Variants in CPNE2 observed in about 807,000 individuals in gnomAD.
CPNE2 encodes the protein copine 2.
In CPNE2, 42 loss-of-function variants were observed where a neutral mutation model predicts 69.7. The observed-to-expected ratio is 0.60, with a 90% CI of 0.47 to 0.78. CPNE2 has a LOEUF of 0.78. Ranked by LOEUF, CPNE2 falls within the 30% of genes least tolerant of loss-of-function variation. The pLI, the probability that CPNE2 is intolerant of heterozygous loss-of-function variation, is 0.00. For missense variants in CPNE2, 587 were observed against 732.0 expected (o/e 0.80, Z 2.29); for synonymous variants, 294 against 289.8 (o/e 1.01, Z -0.15).
At chr16:57,095,717 G>A (rs914039771) in intron 1 of CPNE2, among the ~76,000 whole-genome samples, 1 of 152,100 alleles carries the variant, frequency 6.6e-6, no homozygotes, top group Non-Finnish European at 1.5e-5. Flanking sequence ...CACCCACCTC[G>A]GTCTCCCAAA....
At chr16:57,145,163 A>G (rs2069948291) in intron 14 of CPNE2, among the ~76,000 whole-genome samples, 1 of 152,250 alleles carries the variant, frequency 6.6e-6, no homozygotes. Context: ...TGCCATAAAT[A>G]GAGAGTAACA....
In CPNE2 at chr16:57,110,826, G is replaced by A. The variant is rs150446442; in HGVS notation, c.84G>A (p.Leu28=). The change falls in exon 2 of 16, where the codon CTG becomes CTA. Residue 28 remains leucine (L), a synonymous_variant. Coordinates refer to ENST00000290776, the MANE Select transcript of CPNE2 (RefSeq NM_152727.6). Reference sequence around the variant, plus strand: ...AGTATTGCGTGTGCAAGGTGGAGCTGTCAGTGAGTGGCCAGAACCTACTGG... The same window carrying A: ...AGTATTGCGTGTGCAAGGTGGAGCTATCAGTGAGTGGCCAGAACCTACTGG... ...GPQYCVCKVE[L]SVSGQNLLDR... 2 of 1,614,030 alleles carry A rather than the reference G, an allele frequency of 1.2e-6. No individual in the cohort carries two copies. The highest frequency in any genetic ancestry group is 1.7e-5 in the Admixed American group (1 of 60,020).
At chr16:57,124,651 T>C (rs1274499992) in intron 10 of CPNE2, 4 of 289,106 alleles carry the variant, frequency 1.4e-5, no homozygotes, top group Non-Finnish European at 1.4e-5. Context: ...CTGGCTTTGC[T>C]TCCTCACCCC....
At chr16:57,107,515 C>G (rs2069655419) in intron 1 of CPNE2, among the ~76,000 whole-genome samples, 1 of 152,148 alleles carries the variant, frequency 6.6e-6, no homozygotes, top group South Asian at 2.1e-4. Flanking sequence ...GGCTGGCGCT[C>G]CAGAGTGCAC....
intron 10 of CPNE2, chr16:57,124,063 CTTTCT>C (rs377529014): frequency 0.014 from 2,462 of 177,496 alleles, 31 homozygotes; most frequent in Non-Finnish European, 0.017. Flanking sequence ...TTCCTATTTT[CTTTCT>C]TTTCTTTTCT....
At chr16:57,142,606 C>G (rs1436028178) in intron 14 of CPNE2, 1 of 152,268 alleles carries the variant, frequency 6.6e-6, no homozygotes, top group Non-Finnish European at 1.5e-5. Flanking sequence ...CTATCTCAGG[C>G]CTTCATCTTT....
chr16:57,113,088 C>T (rs1597493918), intron 2 of CPNE2, 200 bp from the exon 3 acceptor site: 1 of 551,138 alleles, frequency 1.8e-6, no homozygotes, highest in East Asian at 3.2e-5. Flanking sequence ...ACAAGCTGTC[C>T]AGCCCTGGGG....
chr16:57,115,002 G>C (rs149347656), intron 3 of CPNE2, among the ~76,000 whole-genome samples: 2 of 144,944 alleles, frequency 1.4e-5, no homozygotes, highest in African/African-American at 5.2e-5. Flanking sequence ...AGCTACCCAG[G>C]AGGCTGAGGT....
chr16:57,113,513 C>T (rs773399922), intron 3 of CPNE2, 46 bp downstream of exon 3: 1 of 1,575,410 alleles, frequency 6.3e-7, no homozygotes, highest in Non-Finnish European at 8.6e-7. Flanking sequence ...AAAGACCGGG[C>T]AACCCCTCAA....
intron 7 of CPNE2, among the ~76,000 whole-genome samples, chr16:57,120,718 A>G (rs1481073060): frequency 1.3e-5 from 2 of 152,174 alleles, no homozygotes; most frequent in African/African-American, 4.8e-5. Flanking sequence ...ATAGCAGCTC[A>G]GACAGCATAT....
rs778364337 is a variant in CPNE2, at chr16:57,134,795, C to T, written c.1137C>T (p.Ile379=). ...TTCAGGTCTCCCATGAGTTTGCCAT[C>T]AACTTCAACCCCACCAACCCCTTCT... ...PDWKVSHEFA[I]NFNPTNPFCS... Residue 379 remains isoleucine (I), a synonymous_variant, in exon 13 of 16, where the codon ATC becomes ATT. Coordinates refer to ENST00000290776, the MANE Select transcript of CPNE2 (RefSeq NM_152727.6). The T allele has an allele frequency of 6.2e-7, 1 of 1,614,000 alleles. No homozygotes were observed. The highest frequency in any genetic ancestry group is 2.2e-5 in the East Asian group (1 of 44,872).
intron 12 of CPNE2, among the ~76,000 whole-genome samples, chr16:57,132,082 C>T (rs953409555): frequency 1.3e-5 from 2 of 152,144 alleles, no homozygotes; most frequent in Admixed American, 1.3e-4. Flanking sequence ...AATTTGGGAC[C>T]CAGCCCAAAT....
intron 15 of CPNE2, 33 bp from the exon 16 acceptor site, chr16:57,147,518 C>G (rs763885211): frequency 2.2e-5 from 32 of 1,464,130 alleles, no homozygotes; most frequent in East Asian, 4.7e-5. Flanking sequence ...CTTATTCTCT[C>G]TCTTCCCCAC....
intron 1 of CPNE2, among the ~76,000 whole-genome samples, chr16:57,097,189 T>C (rs2069583135): frequency 6.6e-6 from 1 of 152,114 alleles, no homozygotes; most frequent in Non-Finnish European, 1.5e-5. Context: ...CACAATCACT[T>C]CACCCTGCTT....
intron 7 of CPNE2, 42 bp downstream of exon 7, chr16:57,119,692 C>T: frequency 7.1e-7 from 1 of 1,405,296 alleles, no homozygotes; most frequent in African/African-American, 1.4e-5. Context: ...CTTGCCAGCT[C>T]CAGCCTCCCA....
intron 14 of CPNE2, chr16:57,140,975 C>T (rs1475735133): frequency 6.7e-6 from 1 of 149,016 alleles, no homozygotes; most frequent in Non-Finnish European, 1.5e-5. Context: ...CCCTCCTGTT[C>T]GGGTGCCAGG....
chr16:57,127,799 G>T (rs771806601), intron 11 of CPNE2, 50 bp from the exon 12 acceptor site: 9 of 1,590,064 alleles, frequency 5.7e-6, no homozygotes, highest in Non-Finnish European at 7.8e-6. Flanking sequence ...AGAGGGTCGG[G>T]TGGTGTCCTC....
intron 7 of CPNE2, 69 bp downstream of exon 7, chr16:57,119,719 CG>C (rs1567668819): frequency 8.5e-6 from 9 of 1,058,506 alleles, no homozygotes; most frequent in Non-Finnish European, 1.3e-5. Flanking sequence ...CTGAGGCTCC[CG>C]GGGATGCCTT....
chr16:57,121,560 A>G, intron 8 of CPNE2, 114 bp from the exon 9 acceptor site: 1 of 1,022,762 alleles, frequency 9.8e-7, no homozygotes. Context: ...GGCTCCCTGG[A>G]GGAAGCATGC....
Sources: allele counts gnomAD v4.1 joint callset (sites outside exome capture counted in the v4.1 genomes callset), GRCh38; gene constraint gnomAD v4.1.1; transcripts MANE v1.5; gene names NCBI Gene and HGNC (gene_info 2026-07-23, HGNC 2026-07-21).